MCF2L2: variants seen among roughly 807,000 people sequenced by gnomAD.
The protein encoded by MCF2L2 is MCF.2 cell line derived transforming sequence-like 2, also known as probable guanine nucleotide exchange factor MCF2L2.
A neutral mutation model predicts 150.2 loss-of-function variants in MCF2L2; 102 were observed. That is an observed-to-expected ratio of 0.68 (90% CI 0.58 to 0.80). The LOEUF (loss-of-function observed/expected upper bound fraction) is 0.80, where lower values mean the gene tolerates loss of function less well. Among genes scored for constraint, MCF2L2 ranks in the 30% least tolerant of loss-of-function variants. The probability of loss-of-function intolerance (pLI) is 0.00; values close to 1 mark genes in which losing one functional copy is unlikely to be tolerated. For synonymous variants in MCF2L2, 465 were observed against 491.3 expected (o/e 0.95, Z 0.71); for missense variants, 1,256 against 1,372.8 (o/e 0.91, Z 1.34).
intron 3 of MCF2L2, among the ~76,000 whole-genome samples, chr3:183,363,238 C>T (rs1452743922): frequency 1.3e-5 from 2 of 152,202 alleles, no homozygotes; most frequent in African/African-American, 4.8e-5. Flanking sequence ...TGGGCAGTTT[C>T]TCACAAAACT....
chr3:183,339,029 T>A, intron 4 of MCF2L2, 110 bp from the exon 5 acceptor site: 1 of 1,079,448 alleles, frequency 9.3e-7, no homozygotes, highest in Non-Finnish European at 1.3e-6. Flanking sequence ...AAGGAAAAGT[T>A]AAAACGGATG....
Position 183,349,656 on chromosome 3 carries a change from G to A in MCF2L2, c.276-8026C>T, listed in dbSNP as rs551070261. On this transcript the variant is annotated intron_variant, in intron 3 of 29. Transcript: ENST00000328913. ...TGTTTTCTGTCTCACTTAACCTAACGAAACAGATGTTATCTCCTTTTAACA... is the reference window on the plus strand; with the variant it reads ...TGTTTTCTGTCTCACTTAACCTAACAAAACAGATGTTATCTCCTTTTAACA... Among the ~76,000 whole-genome samples the A allele has an allele frequency of 7.2e-5, 11 of 152,206 alleles. 1 individual carries two copies. In the South Asian group the frequency reaches 1.9e-3, roughly 26 times the overall value.
intron 5 of MCF2L2, among the ~76,000 whole-genome samples, chr3:183,329,431 C>T (rs77727565): frequency 0.1 from 15,857 of 152,212 alleles, 1,214 homozygotes; most frequent in African/African-American, 0.21. Flanking sequence ...AGGTGATCCA[C>T]CCACCTCAAC....
chr3:183,366,277 T>C lies in MCF2L2; in HGVS notation c.275+13020A>G, dbSNP rs919567597. On this transcript the variant is annotated intron_variant, in intron 3 of 29. Transcript: ENST00000328913. ...ATGTTTTTTACATAAAAAAATTCCA[T>C]TCCCAGCCAAACTACTGATCAAATA... 3.3e-5 allele frequency among the ~76,000 whole-genome samples: 5 copies of C among 152,200 alleles called. No individual in the cohort carries two copies. The South Asian group carries it at 8.3e-4, about 25-fold the overall frequency.
Position 183,270,150 on chromosome 3 carries a change from C to T in MCF2L2, c.1862+6722G>A, listed in dbSNP as rs745821925. The T allele has an allele frequency of 2.1e-5, 34 of 1,613,916 alleles. No homozygotes were observed. The highest frequency in any genetic ancestry group is 2.6e-5 in the Non-Finnish European group (31 of 1,180,002). On this transcript the variant is annotated intron_variant, in intron 15 of 29. Coordinates refer to ENST00000328913, the MANE Select transcript of MCF2L2 (RefSeq NM_015078.4). The surrounding 1 kb of genome is among the most constrained non-coding windows in gnomAD (Gnocchi z 4.5). ...GACGTGGGGCAATGAAAATTATGTTCGGTCTCAGCTGAATGCCAACATCAA... is the reference window on the plus strand; with the variant it reads ...GACGTGGGGCAATGAAAATTATGTTTGGTCTCAGCTGAATGCCAACATCAA...
intron 2 of MCF2L2, among the ~76,000 whole-genome samples, chr3:183,381,992 A>G (rs554472546): frequency 2.8e-4 from 43 of 152,302 alleles, no homozygotes; most frequent in African/African-American, 9.9e-4. Context: ...AAACATTTCA[A>G]GGAACTGAAA....
intron 3 of MCF2L2, among the ~76,000 whole-genome samples, chr3:183,342,750 T>C (rs765855353): frequency 6.6e-6 from 1 of 151,952 alleles, no homozygotes; most frequent in Non-Finnish European, 1.5e-5. Flanking sequence ...CTATTATTCT[T>C]TCTTTCTTTT....
At chr3:183,273,227 A>AT (rs1300224948) in intron 15 of MCF2L2, 2 of 388,612 alleles carry the variant, frequency 5.1e-6, no homozygotes, top group Non-Finnish European at 9.5e-6. Flanking sequence ...TATTGTTAAA[A>AT]TTTTTTTACC....
chr3:183,406,150 A>G (rs1015872350), intron 1 of MCF2L2, among the ~76,000 whole-genome samples: 3 of 152,210 alleles, frequency 2.0e-5, no homozygotes, highest in Admixed American at 6.5e-5. Flanking sequence ...GTTTAACTTT[A>G]TAAGACACTG....
intron 1 of MCF2L2, among the ~76,000 whole-genome samples, chr3:183,402,297 T>A (rs1401451962): frequency 6.7e-6 from 1 of 150,176 alleles, no homozygotes; most frequent in African/African-American, 2.4e-5. Flanking sequence ...CAAAAAAAAA[T>A]TAGCCGGGCG....
At chr3:183,301,793 C>CAAAAAAAAAAAA (rs200514561) in intron 10 of MCF2L2, among the ~76,000 whole-genome samples, 10 of 124,344 alleles carry the variant, frequency 8.0e-5, no homozygotes, top group African/African-American at 2.7e-4. Flanking sequence ...GCTCTGTCTC[C>CAAAAAAAAAAAA]AAAAAAAAAA....
At chr3:183,425,779 C>T (rs1716130128) in intron 1 of MCF2L2, among the ~76,000 whole-genome samples, 1 of 152,114 alleles carries the variant, frequency 6.6e-6, no homozygotes, top group African/African-American at 2.4e-5. Flanking sequence ...ATGGAGAAAC[C>T]CGTCTCTACT....
At chr3:183,292,099 GTGTT>G (rs940892272) in intron 13 of MCF2L2, among the ~76,000 whole-genome samples, 3 of 152,128 alleles carry the variant, frequency 2.0e-5, no homozygotes, top group African/African-American at 7.2e-5. Context: ...GTGTGTGTGT[GTGTT>G]TGCAGATAAA....
chr3:183,277,196 G>T (rs1192562406), intron 14 of MCF2L2, among the ~76,000 whole-genome samples: 2 of 152,156 alleles, frequency 1.3e-5, no homozygotes, highest in East Asian at 3.9e-4. Flanking sequence ...TATCGGCCGG[G>T]CGTGGTGGCA....
chr3:183,208,163 C>T (rs1354599270), intron 22 of MCF2L2, among the ~76,000 whole-genome samples: 2 of 152,180 alleles, frequency 1.3e-5, no homozygotes, highest in Admixed American at 6.5e-5. Context: ...ATGTTTGATA[C>T]ATGACAGTCT....
At chr3:183,308,130 T>C (rs1012580732) in intron 10 of MCF2L2, among the ~76,000 whole-genome samples, 1 of 152,234 alleles carries the variant, frequency 6.6e-6, no homozygotes, top group African/African-American at 2.4e-5. Context: ...TGCTTTTTAG[T>C]GAACTGTCTC....
In MCF2L2 at chr3:183,289,156, C is replaced by T. The variant is rs1727971155; in HGVS notation, c.1740G>A (p.Arg580=). The T allele has an allele frequency of 1.2e-6, 2 of 1,613,844 alleles. No homozygotes were observed. Among genetic ancestry groups the T allele is most frequent in the African/African-American group, 2.7e-5 (2 of 74,906 alleles). Residue 580 remains arginine (R), a synonymous_variant, in exon 14 of 30, where the codon CGG becomes CGA. Transcript: ENST00000328913. ...EPYTETELNS[R]GKEDDETKFE... ...ATTTAGTCTCATCATCTTCCTTTCC[C>T]CGGGAGTTCAACTCTGTCTCCGTAT...
chr3:183,351,232 A>ATATATATATATATT (rs1731124836), intron 3 of MCF2L2, among the ~76,000 whole-genome samples: 1 of 82,842 alleles, frequency 1.2e-5, no homozygotes, highest in African/African-American at 6.9e-5. Flanking sequence ...ATATATATAT[A>ATATATATATATATT]TATATTTATT....
intron 14 of MCF2L2, 60 bp from the exon 15 acceptor site, chr3:183,277,017 TTC>T (rs541840789): frequency 8.9e-7 from 1 of 1,119,562 alleles, no homozygotes; most frequent in African/African-American, 1.6e-5. Context: ...ATCTATATTT[TTC>T]TCTCTCCCAA....
Sources: gnomAD v4.1 joint callset for allele counts (sites outside exome capture counted in the v4.1 genomes callset) on GRCh38, gnomAD v4.1.1 for gene constraint, Gnocchi (gnomAD v3.1) non-coding constraint, MANE v1.5 for transcripts, NCBI Gene and HGNC (gene_info 2026-07-23, HGNC 2026-07-21) for gene names.